Variants in TNXB observed in about 807,000 individuals in gnomAD.
TNXB encodes the protein tenascin XB.
In TNXB, 183 loss-of-function variants were observed where a neutral mutation model predicts 340.5. The observed-to-expected ratio is 0.54, with a 90% CI of 0.48 to 0.61. The LOEUF (loss-of-function observed/expected upper bound fraction) is 0.61, where lower values mean the gene tolerates loss of function less well. Among genes scored for constraint, TNXB ranks in the 20% least tolerant of loss-of-function variants. TNXB has a pLI of 0.00. For synonymous variants in TNXB, 2,121 were observed against 2,314.5 expected (o/e 0.92, Z 2.40); for missense variants, 4,613 against 5,446.4 (o/e 0.85, Z 4.82).
Position 32,072,442 on chromosome 6 carries a change from T to C in TNXB, c.4682-144A>G. 1 of 624,104 alleles carries C rather than the reference T, an allele frequency of 1.6e-6. No homozygotes were observed. The highest frequency in any genetic ancestry group is 2.5e-6 in the Non-Finnish European group (1 of 395,036). The allele number at this position is 624,104 out of a possible 1,614,324, so 38.7% of individuals were successfully genotyped here. A position where few individuals can be genotyped will look rare whatever the true frequency, so the allele number is the denominator to read the frequency against. On this transcript the variant is annotated intron_variant, in intron 12 of 43. Coordinates refer to ENST00000644971, the MANE Select transcript of TNXB (RefSeq NM_001365276.2). This position sits in a 1 kb window ranked among gnomAD's most constrained non-coding sequence, Gnocchi z 4.4. ...ACCTCTAACTGAAATGCAGCATTTC[T>C]TTCCAAAACTAATATAGAAAACCCA...
chr6:32,052,246 T>C lies in TNXB; in HGVS notation c.9115+424A>G, dbSNP rs914434769. On this transcript the variant is annotated intron_variant, in intron 26 of 43. Transcript: ENST00000644971. This position sits in a 1 kb window ranked among gnomAD's most constrained non-coding sequence, Gnocchi z 4.7. ...GAGGGCAGATCACGAGGTCAGGAGATTGAGACCATCCTGGCTAACACGGTG... is the reference window on the plus strand; with the variant it reads ...GAGGGCAGATCACGAGGTCAGGAGACTGAGACCATCCTGGCTAACACGGTG... 2.6e-5 allele frequency among the ~76,000 whole-genome samples: 4 copies of C among 151,950 alleles called. No individual in the cohort carries two copies. Among genetic ancestry groups the C allele is most frequent in the Non-Finnish European group, 5.9e-5 (4 of 67,966 alleles).
At chr6:32,057,079 A>C in intron 22 of TNXB, among the ~76,000 whole-genome samples, 176 bp from the exon 23 acceptor site, 4 of 149,144 alleles carry the variant, frequency 2.7e-5, no homozygotes, top group Admixed American at 6.7e-5. Context: ...CCTCACCCTG[A>C]CCCTCCTGCC....
At position 32,083,941 on chromosome 6, in the gene TNXB, C is replaced by T. The variant is rs1779621012; in HGVS notation, c.3445+472G>A. On this transcript the variant is annotated intron_variant, in intron 8 of 43. Coordinates refer to ENST00000644971, the MANE Select transcript of TNXB (RefSeq NM_001365276.2). This position sits in a 1 kb window ranked among gnomAD's most constrained non-coding sequence, Gnocchi z 4.6. ...CCTCCCAAGGTGCTGGGATTATAGG[C>T]AGGATCAACCCTGCTAGCCTTTACC... is the stretch of plus-strand genomic sequence containing the variant. Among the ~76,000 whole-genome samples, 1 of 152,200 alleles carries T rather than the reference C, an allele frequency of 6.6e-6. No homozygotes were observed. Among genetic ancestry groups the T allele is most frequent in the Non-Finnish European group, 1.5e-5 (1 of 68,034 alleles).
chr6:32,046,461 G>T lies in TNXB; in HGVS notation c.10325-5C>A. The T allele has an allele frequency of 6.4e-7, 1 of 1,562,334 alleles. No homozygotes were observed. Among genetic ancestry groups the T allele is most frequent in the Non-Finnish European group, 8.7e-7 (1 of 1,148,596 alleles). ...GTAGCTCCTTCTCCAGGGGAGCTGT[G>T]CAGAGGGAGGAGGGAAAGCTCTTAG... On this transcript the variant is annotated splice_region_variant and splice_polypyrimidine_tract_variant and intron_variant, in intron 30 of 43. Transcript: ENST00000644971. This position sits in a 1 kb window ranked among gnomAD's most constrained non-coding sequence, Gnocchi z 6.9.
intron 6 of TNXB, 49 bp downstream of exon 6, chr6:32,088,736 T>G: frequency 6.5e-7 from 1 of 1,536,010 alleles, no homozygotes; most frequent in Non-Finnish European, 8.8e-7. Context: ...AGGAGGAGGA[T>G]CCAAGGCTGG....
chr6:32,085,649 C>T lies in TNXB; in HGVS notation c.3148+101G>A. ...TCCAGCCCCAAACATCAGCCCTGCC[C>T]TTCACTGGCCCCTCAATATCCATCC... On this transcript the variant is annotated intron_variant, in intron 7 of 43. Transcript: ENST00000644971. This position sits in a 1 kb window ranked among gnomAD's most constrained non-coding sequence, Gnocchi z 6.4. 7.4e-7 allele frequency: 1 copy of T among 1,357,498 alleles called. No homozygotes were observed. The highest frequency in any genetic ancestry group is 2.0e-5 in the South Asian group (1 of 51,090). The allele number at this position is 1,357,498 out of a possible 1,614,324, so 84.1% of individuals were successfully genotyped here.
At position 32,052,911 on chromosome 6, in the gene TNXB, C is replaced by T. The variant is rs776061572; in HGVS notation, c.8874G>A (p.Leu2958=). 1 of 1,612,814 alleles carries T rather than the reference C, an allele frequency of 6.2e-7. No individual in the cohort carries two copies. Among genetic ancestry groups the T allele is most frequent in the Non-Finnish European group, 8.5e-7 (1 of 1,179,842 alleles). The part of the protein sequence containing the change: ...EPPEEPLLGE[L]TVTGSSPDSL... ...AGTCAGGGGAGGATCCTGTCACTGTCAGCTCCCCCAGGAGCGGCTCCTCAG... is the reference window on the plus strand; with the variant it reads ...AGTCAGGGGAGGATCCTGTCACTGTTAGCTCCCCCAGGAGCGGCTCCTCAG... The change falls in exon 26 of 44, where the codon CTG becomes CTA. Residue 2958 remains leucine, a synonymous_variant. Transcript: ENST00000644971. The surrounding 1 kb of genome is among the most constrained non-coding windows in gnomAD (Gnocchi z 4.7).
rs748970791 is a variant in TNXB, at chr6:32,081,603, C to T, written c.3807G>A (p.Val1269=). ...GCAAGGAGTCTGGGGTCACGCCGGT[C>T]ACTGTCAGTTCCCCCAGGAGGGGCT... ...LEQPLLGELT[V]TGVTPDSLRL... Residue 1269 remains valine (V), a synonymous_variant, in exon 10 of 44, where the codon GTG becomes GTA. Coordinates refer to ENST00000644971, the MANE Select transcript of TNXB (RefSeq NM_001365276.2). This position sits in a 1 kb window ranked among gnomAD's most constrained non-coding sequence, Gnocchi z 5.1. 3 of 1,602,054 alleles carry T rather than the reference C, an allele frequency of 1.9e-6. No homozygotes were observed. Among genetic ancestry groups the T allele is most frequent in the African/African-American group, 1.3e-5 (1 of 74,912 alleles).
rs1047815889 is a variant in TNXB, at chr6:32,064,381, T to G, written c.6841+440A>C. Among the ~76,000 whole-genome samples, 8 of 152,038 alleles carry G rather than the reference T, an allele frequency of 5.3e-5. No individual in the cohort carries two copies. The highest frequency in any genetic ancestry group is 1.9e-4 in the African/African-American group (8 of 41,372). ...GCATGTGCCACCACACCCAGCTAAT[T>G]TTTGTATTTTTAGTAGAGATGGGGG... On this transcript the variant is annotated intron_variant, in intron 19 of 43. Coordinates refer to ENST00000644971, the MANE Select transcript of TNXB (RefSeq NM_001365276.2). The surrounding 1 kb of genome is among the most constrained non-coding windows in gnomAD (Gnocchi z 5.3).
At chr6:32,106,377 G>A (rs1780981583) in intron 1 of TNXB, among the ~76,000 whole-genome samples, 1 of 151,992 alleles carries the variant, frequency 6.6e-6, no homozygotes, top group South Asian at 2.1e-4. Flanking sequence ...ATGTTGAAAG[G>A]TGCCCAGCTC....
At chr6:32,053,985 C>A (rs922145193) in intron 24 of TNXB, among the ~76,000 whole-genome samples, 1 of 151,764 alleles carries the variant, frequency 6.6e-6, no homozygotes, top group South Asian at 2.1e-4. Context: ...CCCCACTCGG[C>A]CTCTGCACCC....
rs1439204260 is a variant in TNXB at position 32,075,357 on chromosome 6, C to T, written c.4376-1405G>A. Among the ~76,000 whole-genome samples the T allele has an allele frequency of 2.2e-4, 33 of 152,232 alleles. No homozygotes were observed. The highest frequency in any genetic ancestry group is 2.2e-3 in the Admixed American group (33 of 15,280). Reference sequence around the variant, plus strand: ...TTCCCTATTGCCTGCCCTCCTCCAACTCCACCACAAAACATACTGCATTCC... The same window carrying T: ...TTCCCTATTGCCTGCCCTCCTCCAATTCCACCACAAAACATACTGCATTCC... On this transcript the variant is annotated intron_variant, in intron 11 of 43. Transcript: ENST00000644971. This position sits in a 1 kb window ranked among gnomAD's most constrained non-coding sequence, Gnocchi z 4.6.
At chr6:32,095,442 T>G in intron 3 of TNXB, 169 bp downstream of exon 3, 1 of 836,808 alleles carries the variant, frequency 1.2e-6, no homozygotes, top group South Asian at 1.8e-5. Flanking sequence ...TGAAGGCCAG[T>G]CCTGCCCACT....
chr6:32,058,322 C>T lies in TNXB; in HGVS notation c.7561G>A (p.Glu2521Lys), dbSNP rs1053476236. Reference protein sequence around the residue: ...EPGTEAPGPPEEPLLGELTVT... With the variant: ...EPGTEAPGPPKEPLLGELTVT... ...GTCAGCTCCCCCAGGAGAGGCTCCT[C>T]GGGGGGCCCTGGGGCCTCTGTGCCT... The change falls in exon 22 of 44, where the codon GAG (glutamate) becomes AAG (lysine). Residue 2521 changes from glutamate (E) to lysine (K), a missense_variant. By Grantham distance (56) the Glu-to-Lys change is moderately conservative (BLOSUM62 1). Coordinates refer to ENST00000644971, the MANE Select transcript of TNXB (RefSeq NM_001365276.2). This position sits in a 1 kb window ranked among gnomAD's most constrained non-coding sequence, Gnocchi z 5.1. The T allele has an allele frequency of 1.6e-5, 26 of 1,611,448 alleles. No homozygotes were observed. The highest frequency in any genetic ancestry group is 1.9e-5 in the Non-Finnish European group (22 of 1,179,440).
In TNXB at chr6:32,087,330, G is replaced by C. The variant is rs917129299; in HGVS notation, c.2780-1212C>G. On this transcript the variant is annotated intron_variant, in intron 6 of 43. Transcript: ENST00000644971. The surrounding 1 kb of genome is among the most constrained non-coding windows in gnomAD (Gnocchi z 9.0). The stretch of plus-strand genomic sequence containing the variant: ...GGACCTCCACGTGGTAGGTGGTGCC[G>C]GGCCTGAGGTCGGGCAGGCTGACGG... 8.2e-6 allele frequency: 4 copies of C among 487,900 alleles called. No homozygotes were observed. Among genetic ancestry groups the C allele is most frequent in the Admixed American group, 4.3e-5 (2 of 46,546 alleles). The allele number at this position is 487,900 out of a possible 1,614,324, so 30.2% of individuals were successfully genotyped here. A position where few individuals can be genotyped will look rare whatever the true frequency, so the allele number is the denominator to read the frequency against.
At chr6:32,102,258 A>T (rs1780755591) in intron 1 of TNXB, among the ~76,000 whole-genome samples, 1 of 152,196 alleles carries the variant, frequency 6.6e-6, no homozygotes, top group Non-Finnish European at 1.5e-5. Flanking sequence ...TAAAACATAT[A>T]GTCTATAACC....
Position 32,082,528 on chromosome 6 carries a change from T to C in TNXB, c.3446-202A>G, listed in dbSNP as rs1779533192. 6.6e-6 allele frequency among the ~76,000 whole-genome samples: 1 copy of C among 152,134 alleles called. No individual in the cohort carries two copies. ...TGCCCTGGTGAGGAGTGGTGTCCAC[T>C]TTAAGGAATGGGTGCCTTCTTTCAA... is the stretch of plus-strand genomic sequence containing the variant. On this transcript the variant is annotated intron_variant, in intron 8 of 43. Coordinates refer to ENST00000644971, the MANE Select transcript of TNXB (RefSeq NM_001365276.2). The surrounding 1 kb of genome is among the most constrained non-coding windows in gnomAD (Gnocchi z 5.0).
rs748731285 is a variant in TNXB at position 32,069,700 on chromosome 6, C to T, written c.5440G>A (p.Asp1814Asn). 27 of 1,612,612 alleles carry T rather than the reference C, an allele frequency of 1.7e-5. No homozygotes were observed. Among genetic ancestry groups the T allele is most frequent in the Admixed American group, 3.3e-5 (2 of 59,918 alleles). Residue 1814 changes from aspartate (D) to asparagine (N), a missense_variant, in exon 15 of 44, where the codon GAC (aspartate) becomes AAC (asparagine). Asp to Asn is a conservative substitution (Grantham distance 23). Coordinates refer to ENST00000644971, the MANE Select transcript of TNXB (RefSeq NM_001365276.2). This position sits in a 1 kb window ranked among gnomAD's most constrained non-coding sequence, Gnocchi z 6.2. ...ACGGGCACCACCTGGGGCTGCCCGT[C>T]CCTGTCTTTGTACTGGACCACAAAG... Reference protein sequence around the residue: ...DSFVVQYKDRDGQPQVVPVEG... With the variant: ...DSFVVQYKDRNGQPQVVPVEG...
chr6:32,049,713 G>GGGT lies in TNXB; in HGVS notation c.9440-129_9440-127dup. On this transcript the variant is annotated intron_variant, in intron 27 of 43. Coordinates refer to ENST00000644971, the MANE Select transcript of TNXB (RefSeq NM_001365276.2). The surrounding 1 kb of genome is among the most constrained non-coding windows in gnomAD (Gnocchi z 4.5). The stretch of plus-strand genomic sequence containing the variant: ...TTCAGAGAAGTCCATTCTTGGGGCT[G>GGGT]GGTGGTCCTGCTCAGCTGACAGCTA... 8.0e-7 allele frequency: 1 copy of GGGT among 1,249,972 alleles called. No individual in the cohort carries two copies. The highest frequency in any genetic ancestry group is 1.1e-6 in the Non-Finnish European group (1 of 917,188). The allele number at this position is 1,249,972 out of a possible 1,614,324, so 77.4% of individuals were successfully genotyped here. A position where few individuals can be genotyped will look rare whatever the true frequency, so the allele number is the denominator to read the frequency against.
Sources: gnomAD v4.1 joint callset for allele counts (sites outside exome capture counted in the v4.1 genomes callset) on GRCh38, gnomAD v4.1.1 for gene constraint, Gnocchi (gnomAD v3.1) non-coding constraint, MANE v1.5 for transcripts, NCBI Gene and HGNC (gene_info 2026-07-23, HGNC 2026-07-21) for gene names.